CFAP299: variants seen among roughly 807,000 people sequenced by gnomAD.
The protein encoded by CFAP299 is cilia- and flagella-associated protein 299.
A neutral mutation model predicts 27.0 loss-of-function variants in CFAP299; 21 were observed. The ratio of observed to expected loss-of-function variants is 0.78; its 90% confidence interval spans 0.55 to 1.12. CFAP299 has a LOEUF of 1.12. CFAP299 is among the 50% of genes most tolerant of loss of function. CFAP299 has a pLI of 0.00. For missense variants in CFAP299, 310 were observed against 276.6 expected, an observed-to-expected ratio of 1.12 and a Z score of -0.86; for synonymous variants, 104 against 98.1, an observed-to-expected ratio of 1.06 and a Z score of -0.36.
chr4:80,421,654 G>C (rs146892260), intron 2 of CFAP299, among the ~76,000 whole-genome samples: 1 of 152,248 alleles, frequency 6.6e-6, no homozygotes, highest in African/African-American at 2.4e-5. Flanking sequence ...TTTGAAGCTG[G>C]GTTTCTCAGA....
intron 4 of CFAP299, among the ~76,000 whole-genome samples, chr4:80,910,125 G>A (rs1195715167): frequency 6.6e-6 from 1 of 152,122 alleles, no homozygotes; most frequent in African/African-American, 2.4e-5. Context: ...CTTTACCCCA[G>A]AATTGACAGT....
At chr4:80,592,457 C>T (rs963561491) in intron 3 of CFAP299, among the ~76,000 whole-genome samples, 1 of 152,036 alleles carries the variant, frequency 6.6e-6, no homozygotes, top group African/African-American at 2.4e-5. Context: ...TGATACAAAA[C>T]AAGCAAAGGA....
intron 4 of CFAP299, among the ~76,000 whole-genome samples, chr4:80,880,672 G>T (rs569641626): frequency 3.9e-5 from 6 of 152,164 alleles, no homozygotes; most frequent in Admixed American, 2.6e-4. Flanking sequence ...GTTGCAGTGC[G>T]CCAAGATCAC....
chr4:80,665,013 A>C (rs1172575647), intron 3 of CFAP299, among the ~76,000 whole-genome samples: 1 of 152,064 alleles, frequency 6.6e-6, no homozygotes, highest in Non-Finnish European at 1.5e-5. Flanking sequence ...TTCCCGGGTG[A>C]GGCAACGCCT....
intron 1 of CFAP299, among the ~76,000 whole-genome samples, chr4:80,339,802 T>C (rs1384587256): frequency 6.6e-6 from 1 of 152,238 alleles, no homozygotes; most frequent in African/African-American, 2.4e-5. Flanking sequence ...AATTCTTCTA[T>C]TTAAATAAAC....
chr4:80,387,440 A>T (rs1043216855), intron 2 of CFAP299: 22 of 855,744 alleles, frequency 2.6e-5, no homozygotes, highest in Admixed American at 2.5e-4. Context: ...GGAGCTGTAG[A>T]TGAGGACTAC....
chr4:80,843,129 G>A (rs1024955649), intron 3 of CFAP299, among the ~76,000 whole-genome samples: 1 of 151,490 alleles, frequency 6.6e-6, no homozygotes, highest in Non-Finnish European at 1.5e-5. Flanking sequence ...TGTGCACAAC[G>A]TGCAGGTTTG....
At chr4:80,903,843 T>C (rs1207466762) in intron 4 of CFAP299, among the ~76,000 whole-genome samples, 1 of 152,186 alleles carries the variant, frequency 6.6e-6, no homozygotes, top group Non-Finnish European at 1.5e-5. Context: ...AAGAGACTTT[T>C]ATTATTTCCC....
At chr4:80,914,438 T>G (rs1470738161) in intron 4 of CFAP299, among the ~76,000 whole-genome samples, 2 of 152,252 alleles carry the variant, frequency 1.3e-5, no homozygotes, top group East Asian at 3.9e-4. Flanking sequence ...TTTTGTCCTG[T>G]GCATTGTAGG....
chr4:80,453,902 A>AT (rs1466781058), intron 2 of CFAP299, among the ~76,000 whole-genome samples: 1 of 149,578 alleles, frequency 6.7e-6, no homozygotes, highest in Non-Finnish European at 1.5e-5. Flanking sequence ...TGCAAGCGTG[A>AT]TTTTCACATT....
chr4:80,792,837 T>G (rs1727648230), intron 3 of CFAP299, among the ~76,000 whole-genome samples: 1 of 152,146 alleles, frequency 6.6e-6, no homozygotes, highest in Non-Finnish European at 1.5e-5. Flanking sequence ...GTTTTGTGTA[T>G]ATTTTTAGCT....
intron 3 of CFAP299, among the ~76,000 whole-genome samples, chr4:80,645,648 T>C (rs13141361): frequency 0.71 from 108,135 of 152,030 alleles, 41,644 homozygotes; most frequent in Non-Finnish European, 0.85. Context: ...TTATGTTGCA[T>C]GCCATCTAAC....
intron 3 of CFAP299, among the ~76,000 whole-genome samples, chr4:80,618,596 G>A (rs1345603517): frequency 1.3e-5 from 2 of 152,018 alleles, no homozygotes. Flanking sequence ...AGACAACATG[G>A]AAACATACGT....
At chr4:80,415,734 C>A (rs1470455792) in intron 2 of CFAP299, among the ~76,000 whole-genome samples, 1 of 152,012 alleles carries the variant, frequency 6.6e-6, no homozygotes, top group African/African-American at 2.4e-5. Context: ...AAACTAAAAT[C>A]CCACTGTCCA....
intron 3 of CFAP299, among the ~76,000 whole-genome samples, chr4:80,722,716 C>T (rs185619315): frequency 1.3e-5 from 2 of 151,848 alleles, no homozygotes; most frequent in South Asian, 2.1e-4. Flanking sequence ...CTGGCTAACA[C>T]GGTGAAACCC....
chr4:80,822,159 T>A (rs1442983864), intron 3 of CFAP299, among the ~76,000 whole-genome samples: 1 of 152,160 alleles, frequency 6.6e-6, no homozygotes, highest in Non-Finnish European at 1.5e-5. Flanking sequence ...TTCCAGTTTT[T>A]CGGGATCCAA....
chr4:80,521,167 C>G (rs35219690), intron 2 of CFAP299, among the ~76,000 whole-genome samples: 1 of 152,130 alleles, frequency 6.6e-6, no homozygotes, highest in Non-Finnish European at 1.5e-5. Context: ...GATTATAGGT[C>G]TTTTTCCTGA....
rs541754272 is a variant in CFAP299 at position 80,635,309 on chromosome 4, T to A, written c.333+52126T>A. 4.6e-5 allele frequency among the ~76,000 whole-genome samples: 7 copies of A among 152,180 alleles called. No individual in the cohort carries two copies. The South Asian group carries it at 1.2e-3, about 27-fold the overall frequency. ...TATGCAACTTTTCCCATAGAAAGTG[T>A]CTCATGAGAGAGAGATACCCCACAG... On this transcript the variant is annotated intron_variant, in intron 3 of 5. Coordinates refer to ENST00000358105, the MANE Select transcript of CFAP299 (RefSeq NM_152770.3).
At chr4:80,350,743 C>T (rs760425043) in intron 1 of CFAP299, among the ~76,000 whole-genome samples, 49 of 151,816 alleles carry the variant, frequency 3.2e-4, no homozygotes, top group Non-Finnish European at 5.7e-4. Flanking sequence ...TGAGAACGCA[C>T]GGACACACAG....
Sources: gnomAD v4.1 joint callset for allele counts (sites outside exome capture counted in the v4.1 genomes callset) on GRCh38, gnomAD v4.1.1 for gene constraint, MANE v1.5 for transcripts, NCBI Gene and HGNC (gene_info 2026-07-23, HGNC 2026-07-21) for gene names.